The following CWF19L1 variants were observed in gnomAD, a reference collection of about 807,000 sequenced individuals.
CWF19L1 encodes the protein CWF19-like protein 1.
Under a neutral mutation model 69.7 loss-of-function variants are expected in CWF19L1, and 60 were observed. The ratio of observed to expected loss-of-function variants is 0.86; its 90% CI spans 0.70 to 1.07. The LOEUF is 1.07. Among genes scored for constraint, CWF19L1 ranks in the 50% least tolerant of loss-of-function variants. CWF19L1 has a pLI of 0.00. For synonymous variants in CWF19L1, 209 were observed against 222.2 expected (o/e 0.94, Z 0.53); for missense variants, 591 against 638.9 (o/e 0.92, Z 0.81).
intron 10 of CWF19L1, among the ~76,000 whole-genome samples, chr10:100,239,606 T>C (rs1288418780): frequency 1.3e-5 from 2 of 152,154 alleles, no homozygotes; most frequent in African/African-American, 4.8e-5. Context: ...GCCACTGCAC[T>C]CCAGCCTGGG....
At position 100,246,833 on chromosome 10, in the gene CWF19L1, G is replaced by A. The variant is rs1168092250; in HGVS notation, c.811C>T (p.Gln271Ter). 2.5e-6 allele frequency: 4 copies of A among 1,614,018 alleles called. No homozygotes were observed. In the South Asian group the frequency reaches 4.4e-5, roughly 18 times the overall value. ...VTENPYRKSG[Q>*]EASIGKQILA... is the part of the protein sequence containing the mutation. ...ATTTGCTTTCCTATGGATGCTTCCT[G>A]CCCAGATTTTCTGTAAGGGTTTTCA... Residue 271 changes from glutamine to a stop codon, truncating the protein, a stop_gained, in exon 8 of 14, where the codon CAG becomes TAG. Transcript: ENST00000354105. LOFTEE classifies it high-confidence loss of function.
At chr10:100,257,386 G>A (rs919266683) in intron 4 of CWF19L1, among the ~76,000 whole-genome samples, 22 of 134,456 alleles carry the variant, frequency 1.6e-4, no homozygotes, top group African/African-American at 3.9e-4. Context: ...CTCCACCTCC[G>A]CCTCCCGGGT....
intron 12 of CWF19L1, 91 bp downstream of exon 12, chr10:100,236,759 G>C (rs1564848857): frequency 1.4e-6 from 2 of 1,451,086 alleles, no homozygotes; most frequent in Non-Finnish European, 1.8e-6. Flanking sequence ...AACAGAGCAA[G>C]ACTCTGTCTC....
chr10:100,247,542 G>A (rs1463703561), intron 7 of CWF19L1, among the ~76,000 whole-genome samples: 1 of 152,128 alleles, frequency 6.6e-6, no homozygotes, highest in Non-Finnish European at 1.5e-5. Context: ...TACTGATTAG[G>A]GAAATGCAAC....
chr10:100,253,072 T>C (rs1230375263), intron 6 of CWF19L1, among the ~76,000 whole-genome samples: 3 of 152,162 alleles, frequency 2.0e-5, no homozygotes, highest in African/African-American at 4.8e-5. Flanking sequence ...GCAGTGGCTA[T>C]TCACAGGCGT....
chr10:100,260,815 G>A (rs541799917), intron 3 of CWF19L1, 151 bp downstream of exon 3: 3 of 582,126 alleles, frequency 5.2e-6, no homozygotes, highest in South Asian at 2.4e-5. Flanking sequence ...GAGCCACTGC[G>A]CCGGATAGTC....
intron 6 of CWF19L1, 50 bp from the exon 7 acceptor site, chr10:100,250,382 T>C: frequency 8.3e-7 from 1 of 1,200,748 alleles, no homozygotes; most frequent in Non-Finnish European, 1.2e-6. Context: ...TACTTTTGAT[T>C]TGCAATGACA....
At chr10:100,263,393 C>T (rs1847469067) in intron 1 of CWF19L1, among the ~76,000 whole-genome samples, 1 of 152,234 alleles carries the variant, frequency 6.6e-6, no homozygotes, top group Admixed American at 6.5e-5. Context: ...ATTTCTGAAG[C>T]CTTCCTGGCT....
intron 7 of CWF19L1, among the ~76,000 whole-genome samples, chr10:100,247,780 C>G (rs1191065933): frequency 1.3e-5 from 2 of 152,144 alleles, no homozygotes; most frequent in Non-Finnish European, 2.9e-5. Context: ...CCTATAGTTC[C>G]AGCTACTCAG....
At chr10:100,237,034 C>CT (rs2134275168) in intron 11 of CWF19L1, 65 bp from the exon 12 acceptor site, 1 of 1,525,372 alleles carries the variant, frequency 6.6e-7, no homozygotes, top group African/African-American at 1.4e-5. Flanking sequence ...CCTGCACAGT[C>CT]TCTGAGAAGT....
At chr10:100,262,610 G>C (rs972205259) in intron 1 of CWF19L1, 5 of 282,850 alleles carry the variant, frequency 1.8e-5, no homozygotes, top group East Asian at 1.7e-4. Context: ...GCCTCAAAGA[G>C]TTTATAATCA....
intron 7 of CWF19L1, chr10:100,249,116 G>A (rs968742105): frequency 2.1e-6 from 1 of 476,130 alleles, no homozygotes; most frequent in South Asian, 2.1e-5. Context: ...CTGGGCCACA[G>A]CCCTGATGAT....
At chr10:100,259,727 G>A (rs1445662267) in intron 4 of CWF19L1, among the ~76,000 whole-genome samples, 1 of 152,110 alleles carries the variant, frequency 6.6e-6, no homozygotes, top group African/African-American at 2.4e-5. Context: ...TAAAGGCATT[G>A]TCCTAAGGGC....
chr10:100,237,234 T>C (rs747126444), intron 11 of CWF19L1: 13 of 650,798 alleles, frequency 2.0e-5, no homozygotes, highest in South Asian at 1.5e-4. Context: ...TCTCCGATAT[T>C]ATATATGTGG....
Position 100,233,357 on chromosome 10 carries a change from C to G in CWF19L1, c.1487G>C (p.Ser496Thr). 1 of 1,612,986 alleles carries G rather than the reference C, an allele frequency of 6.2e-7. No individual in the cohort carries two copies. Among genetic ancestry groups the G allele is most frequent in the Non-Finnish European group, 8.5e-7 (1 of 1,179,518 alleles). ...ATCAGGAACATTAAGGATGGCTTCA[C>G]TGGCCAGGACCTCCCTGCAGAAATA... ...PLQFGREVLA[S>T]EAILNVPDKS... Residue 496 changes from serine (S) to threonine (T), a missense_variant, in exon 14 of 14, where the codon AGT becomes ACT. By Grantham distance (58) the Ser-to-Thr change is moderately conservative. This residue lies in a region of CWF19L1 where 458 missense variants were observed against 489.3 expected (regional missense o/e 0.94). Transcript: ENST00000354105.
At chr10:100,250,045 C>T in intron 7 of CWF19L1, 2 of 586,826 alleles carry the variant, frequency 3.4e-6, no homozygotes, top group Non-Finnish European at 6.0e-6. Flanking sequence ...GGCCTATTTT[C>T]CCAAACCCTT....
At chr10:100,252,654 G>A (rs777310676) in intron 6 of CWF19L1, among the ~76,000 whole-genome samples, 1 of 152,076 alleles carries the variant, frequency 6.6e-6, no homozygotes, top group Non-Finnish European at 1.5e-5. Context: ...CTGACATGGT[G>A]AAACCCCGTC....
At chr10:100,248,632 A>T in intron 7 of CWF19L1, 2 of 763,842 alleles carry the variant, frequency 2.6e-6, no homozygotes, top group Admixed American at 3.5e-5. Context: ...CACTACTGAG[A>T]TCCTCAAGTC....
Position 100,243,790 on chromosome 10 carries a change from G to A in CWF19L1, c.965-13C>T. On this transcript the variant is annotated splice_polypyrimidine_tract_variant and intron_variant, in intron 9 of 13. Coordinates refer to ENST00000354105, the MANE Select transcript of CWF19L1 (RefSeq NM_018294.6). Reference sequence around the variant, plus strand: ...CCTGGAGGCTGAGCTTCATGTAAAAGAAAGCCAGGTGTTACTATGGTCCAA... The same window carrying A: ...CCTGGAGGCTGAGCTTCATGTAAAAAAAAGCCAGGTGTTACTATGGTCCAA... 6.2e-7 allele frequency: 1 copy of A among 1,611,988 alleles called. No homozygotes were observed. The highest frequency in any genetic ancestry group is 8.5e-7 in the Non-Finnish European group (1 of 1,178,094).
Sources: gnomAD v4.1 joint callset for allele counts (sites outside exome capture counted in the v4.1 genomes callset) on GRCh38, gnomAD v4.1.1 for gene constraint, gnomAD v4.1.1 regional missense constraint, MANE v1.5 for transcripts, NCBI Gene and HGNC (gene_info 2026-07-23, HGNC 2026-07-21) for gene names.